PHLPP1: variants seen among roughly 807,000 people sequenced by gnomAD.
PHLPP1 encodes the protein PH domain and leucine rich repeat protein phosphatase 1.
PHLPP1 carries 42 observed loss-of-function variants against 117.2 expected under a neutral mutation model. The observed-to-expected ratio is 0.36, with a 90% confidence interval of 0.28 to 0.46. The LOEUF is 0.46. PHLPP1 is among the 20% of genes least tolerant of loss of function. PHLPP1 has a pLI of 1.00. For synonymous variants in PHLPP1, 1,042 were observed against 970.7 expected (o/e 1.07, Z -1.37); for missense variants, 2,084 against 2,241.9 (o/e 0.93, Z 1.42).
intron 1 of PHLPP1, among the ~76,000 whole-genome samples, chr18:62,771,141 G>C (rs961032416): frequency 6.6e-6 from 1 of 151,482 alleles, no homozygotes; most frequent in Non-Finnish European, 1.5e-5. Context: ...TTGAACCCGG[G>C]AGGTGGAGGT....
chr18:62,942,989 G>A (rs947795197), intron 11 of PHLPP1, among the ~76,000 whole-genome samples: 3 of 152,000 alleles, frequency 2.0e-5, no homozygotes, highest in Non-Finnish European at 4.4e-5. Flanking sequence ...CTTCACTATG[G>A]AATGGGGAAA....
chr18:62,823,914 C>G (rs1914536418), intron 1 of PHLPP1, among the ~76,000 whole-genome samples: 2 of 152,010 alleles, frequency 1.3e-5, no homozygotes, highest in Admixed American at 6.6e-5. Context: ...GGTGGACCAT[C>G]TGAGGTGGGC....
intron 6 of PHLPP1, among the ~76,000 whole-genome samples, chr18:62,901,839 A>G (rs1207601556): frequency 6.6e-6 from 1 of 151,924 alleles, no homozygotes; most frequent in African/African-American, 2.4e-5. Flanking sequence ...CATGCTGGCC[A>G]GGCTGGTCTC....
rs540972505 is a variant in PHLPP1 at position 62,802,041 on chromosome 18, C to T, written c.1577-27994C>T. 4.6e-5 allele frequency among the ~76,000 whole-genome samples: 7 copies of T among 152,028 alleles called. No homozygotes were observed. In the East Asian group the frequency reaches 1.4e-3, roughly 29 times the overall value. ...TGTTGCCTTTCTTTTCTCTCACTCC[C>T]CTGACTACTTTCTTGGCCAGAATGT... On this transcript the variant is annotated intron_variant, in intron 1 of 16. Coordinates refer to ENST00000262719, the MANE Select transcript of PHLPP1 (RefSeq NM_194449.4).
intron 1 of PHLPP1, among the ~76,000 whole-genome samples, chr18:62,737,722 G>A (rs549946115): frequency 1.3e-5 from 2 of 152,122 alleles, no homozygotes; most frequent in Non-Finnish European, 2.9e-5. Flanking sequence ...GGGTCGGTGG[G>A]AGATGCTTTT....
At chr18:62,849,237 T>C (rs1374002020) in intron 3 of PHLPP1, among the ~76,000 whole-genome samples, 1 of 152,228 alleles carries the variant, frequency 6.6e-6, no homozygotes, top group Non-Finnish European at 1.5e-5. Context: ...TGTCTGATTC[T>C]TTGCAAACTG....
rs1178155558 is a variant in PHLPP1, at chr18:62,979,036, C to G, written c.4759C>G (p.Pro1587Ala). 3 of 1,613,724 alleles carry G rather than the reference C, an allele frequency of 1.9e-6. No homozygotes were observed. The South Asian group carries it at 3.3e-5, about 18-fold the overall frequency. ...GAAACAGCAGCACCTGCTTCAGGTG[C>G]CAGCAGAGGCCAGTGATGAGGGCAT... ...KEKQQHLLQV[P>A]AEASDEGIVI... The change falls in exon 17 of 17, where the codon CCA becomes GCA. Residue 1587 changes from proline to alanine, a missense_variant. Physicochemically the swap from Pro to Ala is conservative, Grantham distance 27. Around this residue, in one of 2 missense-constraint regions of PHLPP1, gnomAD observed 1,365 missense variants for 1,605.9 expected, o/e 0.85. Coordinates refer to ENST00000262719, the MANE Select transcript of PHLPP1 (RefSeq NM_194449.4).
chr18:62,879,353 A>T (rs1255939069), intron 4 of PHLPP1, among the ~76,000 whole-genome samples: 3 of 152,006 alleles, frequency 2.0e-5, no homozygotes, highest in Non-Finnish European at 4.4e-5. Context: ...AACCTTCAGA[A>T]CTGTGAGAAA....
intron 3 of PHLPP1, among the ~76,000 whole-genome samples, chr18:62,850,440 A>G (rs1915316757): frequency 6.6e-6 from 1 of 151,988 alleles, no homozygotes; most frequent in Admixed American, 6.6e-5. Context: ...AACCACTTGA[A>G]TAGTATTTGT....
intron 9 of PHLPP1, among the ~76,000 whole-genome samples, chr18:62,919,615 A>G (rs537495128): frequency 6.6e-6 from 1 of 152,384 alleles, no homozygotes; most frequent in East Asian, 1.9e-4. Flanking sequence ...AGCACCCAGC[A>G]TTCTGGGACA....
intron 10 of PHLPP1, among the ~76,000 whole-genome samples, chr18:62,929,647 A>G (rs1384223400): frequency 6.6e-6 from 1 of 152,166 alleles, no homozygotes; most frequent in Non-Finnish European, 1.5e-5. Flanking sequence ...GTGGTGACAA[A>G]CTGTTAGTAA....
At chr18:62,735,383 C>T (rs958926283) in intron 1 of PHLPP1, among the ~76,000 whole-genome samples, 6 of 151,636 alleles carry the variant, frequency 4.0e-5, no homozygotes, top group African/African-American at 7.3e-5. Flanking sequence ...CCTGCCTGGC[C>T]GAGGATGTCA....
chr18:62,971,710 GGTTT>G lies in PHLPP1; in HGVS notation c.3561-791_3561-788del, dbSNP rs1911053587. On this transcript the variant is annotated intron_variant, in intron 14 of 16. Coordinates refer to ENST00000262719, the MANE Select transcript of PHLPP1 (RefSeq NM_194449.4). Reference sequence around the variant, plus strand: ...ACCTGTGCTCTTATTGTCCAGTTGGGGTTTGTTTGTTTGTTTTTCCTGCCTTTTA... The same window carrying G: ...ACCTGTGCTCTTATTGTCCAGTTGGGGTTTGTTTGTTTTTCCTGCCTTTTA... 4.6e-5 allele frequency among the ~76,000 whole-genome samples: 7 copies of G among 152,202 alleles called. No homozygotes were observed. In the South Asian group the frequency reaches 8.3e-4, roughly 18 times the overall value.
In PHLPP1 at chr18:62,978,725, C is replaced by A. The variant is rs1599151429; in HGVS notation, c.4448C>A (p.Thr1483Asn). The change falls in exon 17 of 17, where the codon ACT (threonine) becomes AAT (asparagine). Residue 1483 changes from threonine to asparagine, a missense_variant. This residue lies in a region of PHLPP1 where 1,365 missense variants were observed against 1,605.9 expected (regional missense o/e 0.85). Coordinates refer to ENST00000262719, the MANE Select transcript of PHLPP1 (RefSeq NM_194449.4). The surrounding 1 kb of genome is among the most constrained non-coding windows in gnomAD (Gnocchi z 7.0). Reference protein sequence around the residue: ...MASEISSELSTSEMSSEVGST... With the variant: ...MASEISSELSNSEMSSEVGST... ...TCCGAGATTAGCAGTGAGCTCTCCA[C>A]TTCTGAGATGAGCAGCGAGGTGGGG... 2 of 1,613,862 alleles carry A rather than the reference C, an allele frequency of 1.2e-6. No homozygotes were observed. The highest frequency in any genetic ancestry group is 4.5e-5 in the East Asian group (2 of 44,864).
At chr18:62,724,596 C>CT in intron 1 of PHLPP1, among the ~76,000 whole-genome samples, 1 of 152,190 alleles carries the variant, frequency 6.6e-6, no homozygotes, top group African/African-American at 2.4e-5. Context: ...GTCCAGTGTT[C>CT]TTTTTTTCCC....
chr18:62,811,276 A>G (rs1914107082), intron 1 of PHLPP1, among the ~76,000 whole-genome samples: 1 of 152,218 alleles, frequency 6.6e-6, no homozygotes, highest in Admixed American at 6.5e-5. Context: ...AGTTTATAGA[A>G]TAAAAGATCA....
intron 1 of PHLPP1, among the ~76,000 whole-genome samples, chr18:62,775,915 G>T (rs189990531): frequency 2.0e-5 from 3 of 151,800 alleles, no homozygotes; most frequent in African/African-American, 7.3e-5. Flanking sequence ...AGATTCGTTT[G>T]CATTTCTATA....
chr18:62,721,845 G>A (rs1910929751), intron 1 of PHLPP1, among the ~76,000 whole-genome samples: 1 of 152,160 alleles, frequency 6.6e-6, no homozygotes, highest in South Asian at 2.1e-4. Flanking sequence ...TTTTTTAAGT[G>A]TAAAATGTTT....
At chr18:62,904,483 G>T (rs1916798867) in intron 7 of PHLPP1, among the ~76,000 whole-genome samples, 1 of 152,216 alleles carries the variant, frequency 6.6e-6, no homozygotes, top group South Asian at 2.1e-4. Context: ...TATTGTGATG[G>T]GCTTCATGTG....
Sources: gnomAD v4.1 joint callset for allele counts (sites outside exome capture counted in the v4.1 genomes callset) on GRCh38, gnomAD v4.1.1 for gene constraint, gnomAD v4.1.1 regional missense constraint, Gnocchi (gnomAD v3.1) non-coding constraint, MANE v1.5 for transcripts, NCBI Gene and HGNC (gene_info 2026-07-23, HGNC 2026-07-21) for gene names.